SORD: variants seen among roughly 807,000 people sequenced by gnomAD.
The protein encoded by SORD is sorbitol dehydrogenase, also known as (R,R)-butanediol dehydrogenase.
In SORD, 18 loss-of-function variants were observed where a neutral mutation model predicts 35.6. The observed-to-expected ratio is 0.51, with a 90% confidence interval of 0.35 to 0.75. SORD has a LOEUF of 0.75. SORD is among the 30% of genes least tolerant of loss of function. The pLI is 0.01. For synonymous variants in SORD, 106 were observed against 152.9 expected (o/e 0.69, Z 2.26); for missense variants, 250 against 390.2 (o/e 0.64, Z 3.03).
chr15:45,035,554 A>C (rs952525905), intron 1 of SORD, among the ~76,000 whole-genome samples: 6 of 152,158 alleles, frequency 3.9e-5, no homozygotes, highest in Non-Finnish European at 7.4e-5. Context: ...GGGCTCTAGC[A>C]ATCAGCAGGA....
chr15:45,061,628 G>A (rs1425398170), intron 4 of SORD, among the ~76,000 whole-genome samples: 1 of 151,918 alleles, frequency 6.6e-6, no homozygotes, highest in East Asian at 1.9e-4. Flanking sequence ...AGCACTTTAG[G>A]AGGCCAAGGC....
intron 1 of SORD, among the ~76,000 whole-genome samples, chr15:45,029,604 C>G (rs1892737879): frequency 6.6e-6 from 1 of 152,280 alleles, no homozygotes; most frequent in African/African-American, 2.4e-5. Flanking sequence ...GCTCAGTTGG[C>G]CCCTTGCCTC....
intron 1 of SORD, among the ~76,000 whole-genome samples, chr15:45,028,958 C>T (rs1402766613): frequency 1.3e-5 from 2 of 152,246 alleles, no homozygotes; most frequent in African/African-American, 2.4e-5. Context: ...TCTGAGCCAG[C>T]TGCTTCTATG....
At chr15:45,031,655 C>T (rs1892788430) in intron 1 of SORD, among the ~76,000 whole-genome samples, 1 of 152,134 alleles carries the variant, frequency 6.6e-6, no homozygotes, top group African/African-American at 2.4e-5. Context: ...CAGGGTTTCA[C>T]CATGTTGCCC....
intron 7 of SORD, among the ~76,000 whole-genome samples, chr15:45,071,229 C>T (rs942430555): frequency 1.4e-3 from 214 of 152,250 alleles, no homozygotes; most frequent in African/African-American, 5.0e-3. Context: ...ATCTTGGCAG[C>T]TTGGAATGGC....
chr15:45,030,162 A>G (rs1409806906), intron 1 of SORD, among the ~76,000 whole-genome samples: 2 of 152,180 alleles, frequency 1.3e-5, no homozygotes, highest in Non-Finnish European at 2.9e-5. Flanking sequence ...TTGGAGGTGG[A>G]ATTTCACTGG....
At chr15:45,028,517 T>C (rs112644538) in intron 1 of SORD, among the ~76,000 whole-genome samples, 29,537 of 147,480 alleles carry the variant, frequency 0.2, no homozygotes, top group African/African-American at 0.44. Flanking sequence ...ACAGGCTCCA[T>C]TTCCAGGAAA....
chr15:45,047,628 T>C lies in SORD; in HGVS notation c.265+4207T>C, dbSNP rs563231544. ...ACCATTATTGGTAAACTCTATTCTG[T>C]GTAGTAGGTTTAAGCACCTCTTCCC... On this transcript the variant is annotated intron_variant, in intron 3 of 8. Coordinates refer to ENST00000267814, the MANE Select transcript of SORD (RefSeq NM_003104.6). Among the ~76,000 whole-genome samples the C allele has an allele frequency of 2.0e-4, 31 of 152,332 alleles. No individual in the cohort carries two copies. In the East Asian group the frequency reaches 6.0e-3, roughly 29 times the overall value.
intron 1 of SORD, among the ~76,000 whole-genome samples, chr15:45,031,342 ACAG>A (rs1216347643): frequency 4.5e-5 from 6 of 133,082 alleles, no homozygotes; most frequent in African/African-American, 2.2e-4. Context: ...AAAAAAAACA[ACAG>A]GGAATGAACC....
chr15:45,028,076 A>G (rs990789119), intron 1 of SORD, among the ~76,000 whole-genome samples: 5 of 152,268 alleles, frequency 3.3e-5, no homozygotes, highest in Non-Finnish European at 7.3e-5. Flanking sequence ...CTGTAACCCC[A>G]GCACTTTGGG....
At chr15:45,066,511 G>C (rs141633337) in intron 5 of SORD, among the ~76,000 whole-genome samples, 4 of 152,092 alleles carry the variant, frequency 2.6e-5, no homozygotes, top group Non-Finnish European at 5.9e-5. Context: ...CCCTGCTCCC[G>C]GCCAGTGGGA....
chr15:45,035,607 G>A (rs1892851724), intron 1 of SORD, among the ~76,000 whole-genome samples: 1 of 152,304 alleles, frequency 6.6e-6, no homozygotes, highest in African/African-American at 2.4e-5. Context: ...GGCTGCCTGA[G>A]CCAGCAGTGG....
chr15:45,025,624 CAAAAAAAA>C (rs34029087), intron 1 of SORD, among the ~76,000 whole-genome samples: 2 of 68,256 alleles, frequency 2.9e-5, no homozygotes, highest in Non-Finnish European at 6.6e-5. Context: ...AAAACTATGT[CAAAAAAAA>C]AAAAAAAAAA....
chr15:45,047,697 G>C (rs1242608482), intron 3 of SORD, among the ~76,000 whole-genome samples: 1 of 152,226 alleles, frequency 6.6e-6, no homozygotes, highest in African/African-American at 2.4e-5. Flanking sequence ...ACCAGGTACT[G>C]AGGCAGGATA....
chr15:45,039,744 AAG>A (rs2141268844), intron 1 of SORD, among the ~76,000 whole-genome samples: 1 of 152,348 alleles, frequency 6.6e-6, no homozygotes, highest in Admixed American at 6.5e-5. Flanking sequence ...ATGTAAAGGA[AAG>A]AGGTTGGCAG....
At position 45,046,728 on chromosome 15, in the gene SORD, T is replaced by C. The variant is rs542343985; in HGVS notation, c.265+3307T>C. Among the ~76,000 whole-genome samples, 5 of 152,284 alleles carry C rather than the reference T, an allele frequency of 3.3e-5. No individual in the cohort carries two copies. In the South Asian group the frequency reaches 1.0e-3, roughly 32 times the overall value. The stretch of plus-strand genomic sequence containing the variant: ...AATGCGCATTTACAGAATTTAAACA[T>C]ATAAGTCAGCCGGGCATAATAGCTC... On this transcript the variant is annotated intron_variant, in intron 3 of 8. Transcript: ENST00000267814.
chr15:45,059,679 T>G (rs1195663409), intron 3 of SORD, among the ~76,000 whole-genome samples: 1 of 152,112 alleles, frequency 6.6e-6, no homozygotes, highest in Non-Finnish European at 1.5e-5. Context: ...ATTTTTTTTG[T>G]AAAGATGAGG....
chr15:45,053,019 G>C (rs995086022), intron 3 of SORD, among the ~76,000 whole-genome samples: 1 of 152,156 alleles, frequency 6.6e-6, no homozygotes, highest in African/African-American at 2.4e-5. Flanking sequence ...AGAATACAGA[G>C]AGAAAATTGA....
At chr15:45,054,383 C>A (rs1893179014) in intron 3 of SORD, among the ~76,000 whole-genome samples, 1 of 152,144 alleles carries the variant, frequency 6.6e-6, no homozygotes, top group Non-Finnish European at 1.5e-5. Context: ...ATTTGCATTT[C>A]TCTGATGGCC....
Sources: gnomAD v4.1 joint callset for allele counts (sites outside exome capture counted in the v4.1 genomes callset) on GRCh38, gnomAD v4.1.1 for gene constraint, MANE v1.5 for transcripts, NCBI Gene and HGNC (gene_info 2026-07-23, HGNC 2026-07-21) for gene names.